Variants in HCN3 observed in about 807,000 individuals in gnomAD.
HCN3 encodes the protein potassium/sodium hyperpolarization-activated cyclic nucleotide-gated channel 3.
Under a neutral mutation model 56.8 loss-of-function variants are expected in HCN3, and 36 were observed. The observed-to-expected ratio is 0.63, with a 90% CI of 0.49 to 0.84. The LOEUF (loss-of-function observed/expected upper bound fraction) is 0.84, where lower values mean the gene tolerates loss of function less well. Ranked by LOEUF, HCN3 falls within the 40% of genes least tolerant of loss-of-function variation. HCN3 has a pLI of 0.00. For missense variants in HCN3, 930 were observed against 1,079.3 expected (o/e 0.86, Z 1.94); for synonymous variants, 425 against 439.7 (o/e 0.97, Z 0.42).
At position 155,288,350 on chromosome 1, in the gene HCN3, C is replaced by T. The variant is rs200468064; in HGVS notation, c.2212C>T (p.Arg738Trp). The T allele has an allele frequency of 3.7e-5, 59 of 1,613,888 alleles. No homozygotes were observed. Among genetic ancestry groups the T allele is most frequent in the East Asian group, 3.1e-4 (14 of 44,866 alleles). ...TGGGCGTAAGGGATCAGGAAGTGAG[C>T]GGCTGCCTCCCTCAGGGCTCCTGGC... ...SPGRKGSGSE[R>W]LPPSGLLAKP... Residue 738 changes from arginine to tryptophan, a missense_variant, in exon 8 of 8, where the codon CGG (arginine) becomes TGG (tryptophan). Arg to Trp is a moderately radical substitution (Grantham distance 101, BLOSUM62 -3). Coordinates refer to ENST00000368358, the MANE Select transcript of HCN3 (RefSeq NM_020897.3). The surrounding 1 kb of genome is among the most constrained non-coding windows in gnomAD (Gnocchi z 6.5).
chr1:155,288,074 G>T lies in HCN3; in HGVS notation c.1936G>T (p.Ala646Ser), dbSNP rs778994051. The change falls in exon 8 of 8, where the codon GCT (alanine) becomes TCT (serine). Residue 646 changes from alanine (A) to serine (S), a missense_variant. Transcript: ENST00000368358. This position sits in a 1 kb window ranked among gnomAD's most constrained non-coding sequence, Gnocchi z 6.5. Reference protein sequence around the residue: ...DSPATLLARSAWRSAGSPASP... With the variant: ...DSPATLLARSSWRSAGSPASP... ...TCCAGCCACCCTCCTTGCTCGCTCT[G>T]CTTGGCGCTCAGCAGGCTCTCCAGC... The T allele has an allele frequency of 1.1e-5, 17 of 1,612,670 alleles. No homozygotes were observed. The South Asian group carries it at 1.6e-4, about 16-fold the overall frequency.
chr1:155,285,970 C>G lies in HCN3; in HGVS notation c.1477+6C>G. ...CGATGGATCCTACTTTGGGGGTCAG[C>G]AGGCCTCAGGGAGGGTGGCAGGGTC... On this transcript the variant is annotated splice_donor_region_variant and intron_variant, in intron 6 of 7. Coordinates refer to ENST00000368358, the MANE Select transcript of HCN3 (RefSeq NM_020897.3). The surrounding 1 kb of genome is among the most constrained non-coding windows in gnomAD (Gnocchi z 4.5). The G allele has an allele frequency of 7.0e-6, 11 of 1,570,306 alleles. No individual in the cohort carries two copies. The highest frequency in any genetic ancestry group is 9.5e-6 in the Non-Finnish European group (11 of 1,153,570).
Position 155,287,335 on chromosome 1 carries a change from T to G in HCN3, c.1640T>G (p.Ile547Ser). Reference protein sequence around the residue: ...ETVAMDRLLRIGKKNSILQRK... With the variant: ...ETVAMDRLLRSGKKNSILQRK... ...GTGGCCATGGATCGGCTGCTCCGCA[T>G]CGGTGAGACCTGTCCACCCCATCTG... Residue 547 changes from isoleucine to serine, a missense_variant and splice_region_variant, in exon 7 of 8, where the codon ATC becomes AGC. Physicochemically the swap from Ile to Ser is moderately radical, Grantham distance 142. Transcript: ENST00000368358. 6.2e-7 allele frequency: 1 copy of G among 1,613,838 alleles called. No homozygotes were observed. Among genetic ancestry groups the G allele is most frequent in the Non-Finnish European group, 8.5e-7 (1 of 1,179,910 alleles).
rs754857225 is a variant in HCN3, at chr1:155,285,294, A to C, written c.1219A>C (p.Ser407Arg). The change falls in exon 5 of 8, where the codon AGC (serine) becomes CGC (arginine). Residue 407 changes from serine (S) to arginine (R), a missense_variant. Physicochemically the swap from Ser to Arg is moderately radical, Grantham distance 110. Coordinates refer to ENST00000368358, the MANE Select transcript of HCN3 (RefSeq NM_020897.3). This position sits in a 1 kb window ranked among gnomAD's most constrained non-coding sequence, Gnocchi z 4.5. ...TGAGGAAAGCATCCTGGGCGAGCTG[A>C]GCGAGCCGCTTCGCGAGGTGGGGCT... Reference protein sequence around the residue: ...FDEESILGELSEPLREEIINF... With the variant: ...FDEESILGELREPLREEIINF... 1 of 1,576,742 alleles carries C rather than the reference A, an allele frequency of 6.3e-7. No homozygotes were observed. The highest frequency in any genetic ancestry group is 1.8e-5 in the Admixed American group (1 of 56,360).
At chr1:155,280,468 G>T (rs1323369637) in intron 1 of HCN3, among the ~76,000 whole-genome samples, 2 of 132,758 alleles carry the variant, frequency 1.5e-5, no homozygotes, top group African/African-American at 2.8e-5. Flanking sequence ...ACGGAGTCTC[G>T]CTCTGTCGCC....
chr1:155,285,760 C>T lies in HCN3; in HGVS notation c.1273C>T (p.His425Tyr), dbSNP rs1386897522. ...INFTCRGLVA[H>Y]MPLFAHADPS... ...CTTCACCTGTCGGGGCCTGGTGGCC[C>T]ACATGCCGCTGTTTGCCCATGCCGA... is the stretch of plus-strand genomic sequence containing the variant. Residue 425 changes from histidine (H) to tyrosine (Y), a missense_variant, in exon 6 of 8, where the codon CAC becomes TAC. Transcript: ENST00000368358. The surrounding 1 kb of genome is among the most constrained non-coding windows in gnomAD (Gnocchi z 4.5). 1.2e-6 allele frequency: 2 copies of T among 1,614,160 alleles called. No homozygotes were observed. Among genetic ancestry groups the T allele is most frequent in the Non-Finnish European group, 8.5e-7 (1 of 1,180,006 alleles).
chr1:155,288,399 C>A lies in HCN3; in HGVS notation c.2261C>A (p.Pro754His), dbSNP rs769839630. 6.2e-7 allele frequency: 1 copy of A among 1,613,522 alleles called. No homozygotes were observed. Among genetic ancestry groups the A allele is most frequent in the Non-Finnish European group, 8.5e-7 (1 of 1,179,792 alleles). Residue 754 changes from proline to histidine, a missense_variant, in exon 8 of 8, where the codon CCC (proline) becomes CAC (histidine). Pro to His is a moderately conservative substitution (Grantham distance 77). Transcript: ENST00000368358. The surrounding 1 kb of genome is among the most constrained non-coding windows in gnomAD (Gnocchi z 6.5). ...LLAKPPRTAQ[P>H]PRPPVPEPAT... Reference sequence around the variant, plus strand: ...GCCAAACCTCCAAGGACAGCCCAGCCCCCCAGGCCACCAGTGCCTGAGCCA... The same window carrying A: ...GCCAAACCTCCAAGGACAGCCCAGCACCCCAGGCCACCAGTGCCTGAGCCA...
chr1:155,277,542 T>A lies in HCN3; in HGVS notation c.-49T>A. On this transcript the variant is annotated 5_prime_UTR_variant, in exon 1 of 8. The change abolishes an upstream ATG in the 5' untranslated region. Transcript: ENST00000368358. ...CTCTGGAGGGGTTGCGGGTACCTGA[T>A]GGCCACAGAGGGCTCTAGGAGGCCG... 1.3e-6 allele frequency: 2 copies of A among 1,510,788 alleles called. No homozygotes were observed. The highest frequency in any genetic ancestry group is 1.8e-6 in the Non-Finnish European group (2 of 1,129,192). 93.6% of individuals were successfully genotyped at this position (1,510,788 alleles called of 1,614,324 possible).
rs929280087 is a variant in HCN3 at position 155,284,221 on chromosome 1, G to T, written c.870+86G>T. The T allele has an allele frequency of 1.0e-4, 150 of 1,477,564 alleles. No homozygotes were observed. The highest frequency in any genetic ancestry group is 1.3e-4 in the Non-Finnish European group (142 of 1,077,398). The allele number at this position is 1,477,564 out of a possible 1,614,324, so 91.5% of individuals were successfully genotyped here. ...GCAGGGATGGCCACAGGGAGCAGGA[G>T]GTGGGAGATGATCACAACAGAAAAT... is the stretch of plus-strand genomic sequence containing the variant. On this transcript the variant is annotated intron_variant, in intron 3 of 7. Coordinates refer to ENST00000368358, the MANE Select transcript of HCN3 (RefSeq NM_020897.3). This position sits in a 1 kb window ranked among gnomAD's most constrained non-coding sequence, Gnocchi z 4.3.
At chr1:155,287,379 C>T (rs772784305) in intron 7 of HCN3, 42 bp downstream of exon 7, 128 of 1,605,208 alleles carry the variant, frequency 8.0e-5, no homozygotes, top group Non-Finnish European at 1.1e-4. Flanking sequence ...CCAGACTGTG[C>T]TCTCACCCCA....
Position 155,287,200 on chromosome 1 carries a change from G to A in HCN3, c.1505G>A (p.Arg502His). 8.1e-6 allele frequency: 13 copies of A among 1,613,692 alleles called. No homozygotes were observed. The highest frequency in any genetic ancestry group is 3.3e-5 in the South Asian group (3 of 91,080). ...GEICLLTRGR[R>H]TASVRADTYC... ...ATCTGCCTGCTAACTAGGGGCCGGC[G>A]CACAGCCAGTGTTCGGGCTGACACC... Residue 502 changes from arginine (R) to histidine (H), a missense_variant, in exon 7 of 8, where the codon CGC becomes CAC. Arg to His is a conservative substitution (Grantham distance 29, BLOSUM62 0). Coordinates refer to ENST00000368358, the MANE Select transcript of HCN3 (RefSeq NM_020897.3).
chr1:155,282,260 TGG>T lies in HCN3; in HGVS notation c.279-150_279-149del. The T allele has an allele frequency of 1.4e-6, 1 of 717,420 alleles. No individual in the cohort carries two copies. 44.4% of individuals were successfully genotyped at this position (717,420 alleles called of 1,614,324 possible). On this transcript the variant is annotated intron_variant, in intron 1 of 7. Coordinates refer to ENST00000368358, the MANE Select transcript of HCN3 (RefSeq NM_020897.3). This position sits in a 1 kb window ranked among gnomAD's most constrained non-coding sequence, Gnocchi z 4.7. ...AATGCTGAACTATTTTCCCAAATGG[TGG>T]TCCCAACTTATACTCCCAACAGCTG...
chr1:155,287,777 C>G lies in HCN3; in HGVS notation c.1643-4C>G, dbSNP rs763118228. ...TAACTTCTCCCTCCCGGTACAACTT[C>G]TAGGCAAGAAGAATTCCATACTGCA... On this transcript the variant is annotated splice_polypyrimidine_tract_variant and splice_region_variant and intron_variant, in intron 7 of 7. Coordinates refer to ENST00000368358, the MANE Select transcript of HCN3 (RefSeq NM_020897.3). The G allele has an allele frequency of 6.4e-6, 10 of 1,567,510 alleles. No homozygotes were observed. Among genetic ancestry groups the G allele is most frequent in the Non-Finnish European group, 8.7e-6 (10 of 1,155,392 alleles).
intron 6 of HCN3, 129 bp downstream of exon 6, chr1:155,286,093 T>A (rs1339821397): frequency 2.3e-6 from 3 of 1,276,866 alleles, no homozygotes; most frequent in Non-Finnish European, 3.2e-6. Context: ...CCAGGCCTAC[T>A]CAGTGAGAAT....
Position 155,288,461 on chromosome 1 carries a change from T to C in HCN3, c.2323T>C (p.Ter775GlnextTer3), listed in dbSNP as rs746610817. ...GGGTCTCCAGCTTTCTGCCAACATGTAAAACCTTTGAGTACATCCAGCCTT... is the reference window on the plus strand; with the variant it reads ...GGGTCTCCAGCTTTCTGCCAACATGCAAAACCTTTGAGTACATCCAGCCTT... The part of the protein sequence containing the change: ...PRGLQLSANM[*>Q] The change falls in exon 8 of 8, where the codon TAA becomes CAA. Residue 775 changes from the stop codon to glutamine (Q), a stop_lost. Transcript: ENST00000368358. This position sits in a 1 kb window ranked among gnomAD's most constrained non-coding sequence, Gnocchi z 6.5. 13 of 1,591,898 alleles carry C rather than the reference T, an allele frequency of 8.2e-6. No individual in the cohort carries two copies. Among genetic ancestry groups the C allele is most frequent in the Non-Finnish European group, 1.0e-5 (12 of 1,170,220 alleles).
At chr1:155,287,681 A>C in intron 7 of HCN3, 100 bp from the exon 8 acceptor site, 4 of 1,464,228 alleles carry the variant, frequency 2.7e-6, no homozygotes, top group African/African-American at 1.5e-5. Flanking sequence ...CCCTACCCTC[A>C]ACCCCACCCC....
chr1:155,285,844 G>C lies in HCN3; in HGVS notation c.1357G>C (p.Asp453His). ...GCGCTTTGAGGTCTTCCAGCCGGGGGATCTCGTGGTGCGTGAGGGCTCCGT... is the reference window on the plus strand; with the variant it reads ...GCGCTTTGAGGTCTTCCAGCCGGGGCATCTCGTGGTGCGTGAGGGCTCCGT... ...KLRFEVFQPG[D>H]LVVREGSVGR... The change falls in exon 6 of 8, where the codon GAT (aspartate) becomes CAT (histidine). Residue 453 changes from aspartate to histidine, a missense_variant. Physicochemically the swap from Asp to His is moderately conservative, Grantham distance 81. Transcript: ENST00000368358. The surrounding 1 kb of genome is among the most constrained non-coding windows in gnomAD (Gnocchi z 4.5). The C allele has an allele frequency of 6.2e-7, 1 of 1,614,262 alleles. No individual in the cohort carries two copies. Among genetic ancestry groups the C allele is most frequent in the Non-Finnish European group, 8.5e-7 (1 of 1,180,044 alleles).
In HCN3 at chr1:155,285,423, G is replaced by A; in HGVS notation, c.1236+112G>A. On this transcript the variant is annotated intron_variant, in intron 5 of 7. Coordinates refer to ENST00000368358, the MANE Select transcript of HCN3 (RefSeq NM_020897.3). This position sits in a 1 kb window ranked among gnomAD's most constrained non-coding sequence, Gnocchi z 4.5. ...CTATAGGGAATGAGGCCTGCAGAGG[G>A]CCCCGTGGGAGGCCAGGTATTTGGG... The A allele has an allele frequency of 7.1e-7, 1 of 1,405,052 alleles. No individual in the cohort carries two copies. Among genetic ancestry groups the A allele is most frequent in the Non-Finnish European group, 9.6e-7 (1 of 1,045,936 alleles). The allele number at this position is 1,405,052 out of a possible 1,614,324, so 87.0% of individuals were successfully genotyped here.
In HCN3 at chr1:155,289,357, C is replaced by T. The variant is rs1472460540; in HGVS notation, c.*894C>T. The T allele has an allele frequency of 6.6e-6, 1 of 151,566 alleles. No homozygotes were observed. Among genetic ancestry groups the T allele is most frequent in the African/African-American group, 2.4e-5 (1 of 41,178 alleles). 9.4% of individuals were successfully genotyped at this position (151,566 alleles called of 1,614,324 possible). On this transcript the variant is annotated 3_prime_UTR_variant, in exon 8 of 8. Transcript: ENST00000368358. ...TGTGTTACCAATTAATTTTGTTTAC[C>T]CATTCCTTTATCCATCCCTCCCCTC...
Sources: gnomAD v4.1 joint callset for allele counts (sites outside exome capture counted in the v4.1 genomes callset) on GRCh38, gnomAD v4.1.1 for gene constraint, Gnocchi (gnomAD v3.1) non-coding constraint, MANE v1.5 for transcripts, NCBI Gene and HGNC (gene_info 2026-07-23, HGNC 2026-07-21) for gene names.